The following XKR6 variants were observed in gnomAD, a reference collection of about 807,000 sequenced individuals.
The protein encoded by XKR6 is XK related 6, also known as XK-related protein 6.
XKR6 carries 22 observed loss-of-function variants against 56.7 expected under a neutral mutation model. That is an observed-to-expected ratio of 0.39 (90% confidence interval 0.28 to 0.55). XKR6 has a LOEUF of 0.55. Among genes scored for constraint, XKR6 ranks in the 20% least tolerant of loss-of-function variants. The pLI, the probability that XKR6 is intolerant of heterozygous loss-of-function variation, is 0.66. For synonymous variants in XKR6, 524 were observed against 387.8 expected (o/e 1.35, Z -4.13); for missense variants, 852 against 889.0 (o/e 0.96, Z 0.53).
rs563150281 is a variant in XKR6, at chr8:11,037,091, G to C, written c.765-112261C>G. Among the ~76,000 whole-genome samples the C allele has an allele frequency of 3.3e-5, 5 of 152,242 alleles. No individual in the cohort carries two copies. In the East Asian group the frequency reaches 9.6e-4, roughly 29 times the overall value. ...CGTGGATATCATTTAGTGATGCTAC[G>C]TGACACAGAAATAACACAACACTTC... is the stretch of plus-strand genomic sequence containing the variant. On this transcript the variant is annotated intron_variant, in intron 1 of 2. Transcript: ENST00000416569.
At chr8:11,171,907 G>T (rs1488719063) in intron 1 of XKR6, among the ~76,000 whole-genome samples, 1 of 151,948 alleles carries the variant, frequency 6.6e-6, no homozygotes, top group African/African-American at 2.4e-5. Flanking sequence ...ACAAAACTTA[G>T]CCAGCCGTGG....
chr8:11,016,884 C>T (rs1202629534), intron 1 of XKR6, among the ~76,000 whole-genome samples: 1 of 152,244 alleles, frequency 6.6e-6, no homozygotes, highest in Non-Finnish European at 1.5e-5. Flanking sequence ...CGGAGACCCT[C>T]CACCACCCAG....
At chr8:10,977,411 ACT>A (rs1255464060) in intron 1 of XKR6, among the ~76,000 whole-genome samples, 1 of 151,100 alleles carries the variant, frequency 6.6e-6, no homozygotes, top group Admixed American at 6.6e-5. Context: ...AAGAGATGAG[ACT>A]CTCTAATAAG....
chr8:11,042,792 A>C (rs1799317973), intron 1 of XKR6, among the ~76,000 whole-genome samples: 1 of 152,132 alleles, frequency 6.6e-6, no homozygotes, highest in Non-Finnish European at 1.5e-5. Context: ...TGCTACCTGG[A>C]CTAACATTTG....
At chr8:10,943,899 G>C (rs540262714) in intron 1 of XKR6, among the ~76,000 whole-genome samples, 1 of 152,218 alleles carries the variant, frequency 6.6e-6, no homozygotes, top group African/African-American at 2.4e-5. Context: ...ACACCTTGAG[G>C]ATCAGGGAGT....
Position 10,897,411 on chromosome 8 carries a change from TG to T in XKR6, c.*540del, listed in dbSNP as rs1799913767. On this transcript the variant is annotated 3_prime_UTR_variant, in exon 3 of 3. Coordinates refer to ENST00000416569, the MANE Select transcript of XKR6 (RefSeq NM_173683.4). ...TTTAATTGTTTAATTTTCCCTCTTC[TG>T]GTGCAAAAATCACCAGAGAGTTTTG... is the stretch of plus-strand genomic sequence containing the variant. 2 of 152,678 alleles carry T rather than the reference TG, an allele frequency of 1.3e-5. No individual in the cohort carries two copies. Among genetic ancestry groups the T allele is most frequent in the Admixed American group, 1.3e-4 (2 of 15,286 alleles). 9.5% of individuals were successfully genotyped at this position (152,678 alleles called of 1,614,324 possible).
intron 2 of XKR6, among the ~76,000 whole-genome samples, chr8:10,922,474 TG>T (rs1157804757): frequency 6.6e-6 from 1 of 152,216 alleles, no homozygotes; most frequent in East Asian, 1.9e-4. Context: ...AGCTCCTTTA[TG>T]GGTAGGTTTC....
intron 1 of XKR6, among the ~76,000 whole-genome samples, chr8:10,972,551 A>G (rs554449520): frequency 1.3e-5 from 2 of 152,324 alleles, no homozygotes; most frequent in East Asian, 3.9e-4. Flanking sequence ...GGGATTTCTG[A>G]CATGAGCTAC....
At chr8:10,954,170 G>T (rs377596768) in intron 1 of XKR6, among the ~76,000 whole-genome samples, 2 of 152,144 alleles carry the variant, frequency 1.3e-5, no homozygotes, top group South Asian at 2.1e-4. Context: ...ATTCTCTTGG[G>T]TATATACATG....
chr8:10,958,430 G>C (rs1175148272), intron 1 of XKR6, among the ~76,000 whole-genome samples: 1 of 152,206 alleles, frequency 6.6e-6, no homozygotes, highest in Non-Finnish European at 1.5e-5. Context: ...TGCCCAGTTG[G>C]TGCTGCCATT....
chr8:10,983,286 G>C (rs1797777266), intron 1 of XKR6, among the ~76,000 whole-genome samples: 1 of 151,946 alleles, frequency 6.6e-6, no homozygotes, highest in Non-Finnish European at 1.5e-5. Flanking sequence ...ACATCATCAA[G>C]AAAAAAGGAA....
At chr8:11,091,608 G>C (rs566190637) in intron 1 of XKR6, among the ~76,000 whole-genome samples, 2 of 152,184 alleles carry the variant, frequency 1.3e-5, no homozygotes, top group African/African-American at 4.8e-5. Context: ...AGGAATAGGG[G>C]AGGAGGCAGT....
At chr8:11,038,088 T>C (rs918937255) in intron 1 of XKR6, among the ~76,000 whole-genome samples, 4 of 150,466 alleles carry the variant, frequency 2.7e-5, no homozygotes. Flanking sequence ...TTAACTACCA[T>C]CCCTGATCCC....
intron 1 of XKR6, among the ~76,000 whole-genome samples, chr8:10,994,368 G>C (rs1408237221): frequency 6.6e-6 from 1 of 152,244 alleles, no homozygotes; most frequent in African/African-American, 2.4e-5. Context: ...GCATCCTCTG[G>C]ATGTGACACC....
At chr8:11,126,457 A>C (rs908697692) in intron 1 of XKR6, among the ~76,000 whole-genome samples, 1 of 151,866 alleles carries the variant, frequency 6.6e-6, no homozygotes, top group African/African-American at 2.4e-5. Flanking sequence ...TCAGTTCTTG[A>C]ATTTTTTTTT....
intron 1 of XKR6, among the ~76,000 whole-genome samples, chr8:10,947,465 C>T (rs770667343): frequency 1.4e-4 from 22 of 151,880 alleles, no homozygotes; most frequent in African/African-American, 4.6e-4. Flanking sequence ...CCTGGGGGAT[C>T]GAGGGAGAGC....
At chr8:10,903,001 G>A (rs13248287) in intron 2 of XKR6, among the ~76,000 whole-genome samples, 24,415 of 152,182 alleles carry the variant, frequency 0.16, 2,883 homozygotes, top group African/African-American at 0.33. Context: ...CCTGAGAAGA[G>A]ACCAGGAAAG....
At chr8:11,076,657 G>T (rs915395821) in intron 1 of XKR6, among the ~76,000 whole-genome samples, 7 of 152,144 alleles carry the variant, frequency 4.6e-5, no homozygotes, top group Non-Finnish European at 7.3e-5. Context: ...CACAGGGCAG[G>T]CCCCGAAGAA....
At chr8:10,916,853 G>A (rs1162424969) in intron 2 of XKR6, among the ~76,000 whole-genome samples, 5 of 152,212 alleles carry the variant, frequency 3.3e-5, no homozygotes, top group African/African-American at 7.2e-5. Flanking sequence ...GGAAAAATAG[G>A]TCAATGTGAA....
Sources: gnomAD v4.1 joint callset for allele counts (sites outside exome capture counted in the v4.1 genomes callset) on GRCh38, gnomAD v4.1.1 for gene constraint, MANE v1.5 for transcripts, NCBI Gene and HGNC (gene_info 2026-07-23, HGNC 2026-07-21) for gene names.